STX5: variants seen among roughly 807,000 people sequenced by gnomAD.
STX5 encodes the protein syntaxin 5, also known as syntaxin-5.
In STX5, 15 loss-of-function variants were observed where a neutral mutation model predicts 42.9. The observed-to-expected ratio is 0.35, with a 90% confidence interval of 0.23 to 0.54. The LOEUF (loss-of-function observed/expected upper bound fraction) is 0.54. Among genes scored for constraint, STX5 ranks in the 20% least tolerant of loss-of-function variants. The pLI is 0.91. For missense variants in STX5, 430 were observed against 455.0 expected, an observed-to-expected ratio of 0.95 and a Z score of 0.50; for synonymous variants, 184 against 173.2, an observed-to-expected ratio of 1.06 and a Z score of -0.49.
chr11:62,817,486 T>C (rs1191066968), intron 10 of STX5, among the ~76,000 whole-genome samples: 1 of 152,206 alleles, frequency 6.6e-6, no homozygotes, highest in Non-Finnish European at 1.5e-5. Flanking sequence ...AAAGTCAACA[T>C]TCTTTATAGA....
In STX5 at chr11:62,831,160, A is replaced by G; in HGVS notation, c.84T>C (p.Pro28=). The change falls in exon 2 of 11, where the codon CCT becomes CCC. Residue 28 remains proline (P), a synonymous_variant. Transcript: ENST00000294179. ...LGLSKTQVLS[P]ATAGSSSSDI... is the part of the protein sequence containing the mutation. ...CGCTGCTGCTACTGCCAGCAGTTGC[A>G]GGGGACAGGACCTGTGTCTTTGAGA... The G allele has an allele frequency of 6.4e-6, 10 of 1,561,932 alleles. No individual in the cohort carries two copies. Among genetic ancestry groups the G allele is most frequent in the Non-Finnish European group, 8.7e-6 (10 of 1,152,566 alleles).
At position 62,831,411 on chromosome 11, in the gene STX5, A is replaced by T; in HGVS notation, c.-19-149T>A. ...CTCGCAAATCCTGGGGCGGACCAGC[A>T]GCGGAAAGGGCCCCGCTTTTCCCCT... On this transcript the variant is annotated intron_variant, in intron 1 of 10. Transcript: ENST00000294179. 4.3e-6 allele frequency: 3 copies of T among 693,222 alleles called. No homozygotes were observed. The South Asian group carries it at 4.8e-5, about 11-fold the overall frequency. The allele number at this position is 693,222 out of a possible 1,614,324, so 42.9% of individuals were successfully genotyped here.
intron 4 of STX5, 41 bp downstream of exon 4, chr11:62,827,302 G>A (rs2084807000): frequency 6.2e-7 from 1 of 1,613,946 alleles, no homozygotes; most frequent in African/African-American, 1.3e-5. Flanking sequence ...AACCCTCTTT[G>A]ATTTACTGCC....
At chr11:62,811,947 G>A (rs2084621241) in intron 10 of STX5, among the ~76,000 whole-genome samples, 1 of 151,992 alleles carries the variant, frequency 6.6e-6, no homozygotes, top group African/African-American at 2.4e-5. Context: ...CTAAACCAAT[G>A]AGCAAACACA....
intron 1 of STX5, 61 bp downstream of exon 1, chr11:62,831,893 C>G (rs1454618564): frequency 2.2e-6 from 1 of 457,526 alleles, no homozygotes; most frequent in Non-Finnish European, 4.4e-6. Context: ...TCGTCGCCCC[C>G]GTAAAACCAC....
chr11:62,831,838 C>A (rs976023672), intron 1 of STX5, 116 bp downstream of exon 1: 32 of 449,746 alleles, frequency 7.1e-5, no homozygotes, highest in African/African-American at 6.0e-4. Flanking sequence ...GGAGCCGGGC[C>A]GGCAGGACTT....
chr11:62,816,592 C>T (rs371472867), intron 10 of STX5, among the ~76,000 whole-genome samples: 44 of 151,760 alleles, frequency 2.9e-4, no homozygotes, highest in African/African-American at 4.3e-4. Context: ...AGTAAAAAAA[C>T]GAAAAAAGAA....
chr11:62,814,001 C>T (rs188147453), intron 10 of STX5, among the ~76,000 whole-genome samples: 92 of 152,156 alleles, frequency 6.0e-4, no homozygotes, highest in African/African-American at 2.1e-3. Context: ...GGCATGCTAA[C>T]ATACCTTTAT....
intron 10 of STX5, chr11:62,816,152 A>G (rs906178622): frequency 1.3e-5 from 2 of 152,178 alleles, no homozygotes; most frequent in African/African-American, 4.8e-5. Context: ...GATATCGGCA[A>G]CCTACTGTGA....
At chr11:62,807,894 C>G (rs979975107) in intron 10 of STX5, 6 of 489,748 alleles carry the variant, frequency 1.2e-5, no homozygotes, top group Admixed American at 3.5e-5. Context: ...TAACCCAAAC[C>G]CTACCTTCTC....
intron 5 of STX5, among the ~76,000 whole-genome samples, chr11:62,826,593 A>G (rs552910458): frequency 2.7e-5 from 4 of 149,994 alleles, no homozygotes; most frequent in African/African-American, 9.8e-5. Flanking sequence ...AAATAAAATA[A>G]AAGTTATTAT....
chr11:62,816,054 G>A (rs1159737881), intron 10 of STX5: 1 of 152,076 alleles, frequency 6.6e-6, no homozygotes, highest in Admixed American at 6.6e-5. Flanking sequence ...TATATGTCCT[G>A]CTGAAGTGAG....
chr11:62,825,343 G>C lies in STX5; in HGVS notation c.541-4C>G. 1 of 1,614,156 alleles carries C rather than the reference G, an allele frequency of 6.2e-7. No individual in the cohort carries two copies. The highest frequency in any genetic ancestry group is 8.5e-7 in the Non-Finnish European group (1 of 1,180,030). On this transcript the variant is annotated splice_polypyrimidine_tract_variant and splice_region_variant and intron_variant, in intron 6 of 10. Transcript: ENST00000294179. The stretch of plus-strand genomic sequence containing the variant: ...TGGACATAGAAGCCAGTTTCGACTA[G>C]AAGAAAAGGAGAGAGGGTCAACCAA...
intron 10 of STX5, among the ~76,000 whole-genome samples, chr11:62,819,349 C>A (rs1302285009): frequency 6.9e-6 from 1 of 144,246 alleles, no homozygotes; most frequent in Admixed American, 6.9e-5. Context: ...GTCAGCAGAT[C>A]TCCACTACAA....
intron 1 of STX5, 27 bp from the exon 2 acceptor site, chr11:62,831,289 C>T (rs1303109233): frequency 2.9e-5 from 43 of 1,493,958 alleles, no homozygotes; most frequent in Non-Finnish European, 3.9e-5. Context: ...AGTGTCATTC[C>T]CCAGGCAACT....
rs1011678785 is a variant in STX5 at position 62,831,252 on chromosome 11, A to G, written c.-9T>C. On this transcript the variant is annotated 5_prime_UTR_variant, in exon 2 of 11. An upstream start codon of the reference 5' UTR is lost. Coordinates refer to ENST00000294179, the MANE Select transcript of STX5 (RefSeq NM_003164.5). ...CGTTTCCGCGGGATCATTGAGACGC[A>G]TAACCTCGGACTGTTGTGGAGGGGA... 7.7e-6 allele frequency: 12 copies of G among 1,555,152 alleles called. No homozygotes were observed. The highest frequency in any genetic ancestry group is 9.6e-6 in the Non-Finnish European group (11 of 1,148,336).
In STX5 at chr11:62,807,682, T is replaced by C. The variant is rs751673449; in HGVS notation, c.909-54A>G. On this transcript the variant is annotated intron_variant, in intron 10 of 10. Transcript: ENST00000294179. ...CAAAAGGACACTGGATTAAAAAGAA[T>C]GCTGTTGAAGTCCATTTATTGACAT... 11 of 1,603,196 alleles carry C rather than the reference T, an allele frequency of 6.9e-6. No homozygotes were observed. The South Asian group carries it at 1.2e-4, about 18-fold the overall frequency.
chr11:62,827,967 C>A (rs2084814372), intron 2 of STX5, among the ~76,000 whole-genome samples: 1 of 150,730 alleles, frequency 6.6e-6, no homozygotes, highest in Non-Finnish European at 1.5e-5. Context: ...GTACTTCAGT[C>A]AACTACCTGG....
chr11:62,819,777 T>A (rs1304547816), intron 10 of STX5, among the ~76,000 whole-genome samples: 1 of 151,770 alleles, frequency 6.6e-6, no homozygotes, highest in African/African-American at 2.4e-5. Context: ...CACTGCAACC[T>A]CCGCCTCTAA....
Sources: allele counts gnomAD v4.1 joint callset (sites outside exome capture counted in the v4.1 genomes callset), GRCh38; gene constraint gnomAD v4.1.1; transcripts MANE v1.5; gene names NCBI Gene and HGNC (gene_info 2026-07-23, HGNC 2026-07-21).